SRPK1: variants seen among roughly 807,000 people sequenced by gnomAD.
SRPK1 encodes the protein SRSF protein kinase 1.
Under a neutral mutation model 89.5 loss-of-function variants are expected in SRPK1, and 52 were observed. That is an observed-to-expected ratio of 0.58 (90% CI 0.46 to 0.73). SRPK1 has a LOEUF of 0.73. Among genes scored for constraint, SRPK1 ranks in the 30% least tolerant of loss-of-function variants. SRPK1 has a pLI of 0.00. For missense variants in SRPK1, 603 were observed against 780.6 expected (o/e 0.77, Z 2.71); for synonymous variants, 255 against 270.2 (o/e 0.94, Z 0.55).
At chr6:35,847,932 A>T (rs1461307973) in intron 13 of SRPK1, among the ~76,000 whole-genome samples, 1 of 151,578 alleles carries the variant, frequency 6.6e-6, no homozygotes, top group Non-Finnish European at 1.5e-5. Context: ...GCCTCAGGTG[A>T]TTCTCCCACC....
intron 12 of SRPK1, among the ~76,000 whole-genome samples, chr6:35,868,266 G>A (rs998344099): frequency 1.4e-4 from 22 of 152,280 alleles, no homozygotes; most frequent in Admixed American, 5.2e-4. Flanking sequence ...TTACAGGCAT[G>A]AGCCACCGTG....
intron 2 of SRPK1, among the ~76,000 whole-genome samples, chr6:35,910,211 G>A (rs574005638): frequency 2.0e-5 from 3 of 152,112 alleles, no homozygotes; most frequent in Non-Finnish European, 2.9e-5. Flanking sequence ...TCGAACTCCC[G>A]ACCTCAGGTG....
intron 13 of SRPK1, among the ~76,000 whole-genome samples, chr6:35,853,221 T>C (rs932625937): frequency 6.6e-6 from 1 of 151,896 alleles, no homozygotes; most frequent in African/African-American, 2.4e-5. Context: ...TATTGAGTTA[T>C]GATCACACCA....
At chr6:35,846,333 G>A (rs1318169436) in intron 13 of SRPK1, among the ~76,000 whole-genome samples, 1 of 152,066 alleles carries the variant, frequency 6.6e-6, no homozygotes, top group African/African-American at 2.4e-5. Flanking sequence ...GCTCATGCCT[G>A]TAATCCCAGC....
chr6:35,872,546 C>A lies in SRPK1; in HGVS notation c.751+17G>T. On this transcript the variant is annotated intron_variant, in intron 8 of 15. Coordinates refer to ENST00000373825, the MANE Select transcript of SRPK1 (RefSeq NM_003137.5). ...TTTAACTTCTAATGATAGCGAAGTC[C>A]CTAAAAGAAAATACACCTGCAGATC... 6.3e-7 allele frequency: 1 copy of A among 1,577,088 alleles called. No individual in the cohort carries two copies. The highest frequency in any genetic ancestry group is 8.6e-7 in the Non-Finnish European group (1 of 1,165,966).
At chr6:35,909,206 C>T (rs149624338) in intron 2 of SRPK1, among the ~76,000 whole-genome samples, 1 of 152,356 alleles carries the variant, frequency 6.6e-6, no homozygotes, top group African/African-American at 2.4e-5. Flanking sequence ...GAAGGAGCTG[C>T]CCAAGGCTAT....
intron 2 of SRPK1, among the ~76,000 whole-genome samples, chr6:35,916,667 G>C (rs1771110203): frequency 6.6e-6 from 1 of 152,086 alleles, no homozygotes; most frequent in Admixed American, 6.5e-5. Context: ...TGCAAATAAA[G>C]TGAAAATTAC....
chr6:35,887,141 C>T (rs923021541), intron 5 of SRPK1, among the ~76,000 whole-genome samples: 1 of 152,130 alleles, frequency 6.6e-6, no homozygotes, highest in Admixed American at 6.5e-5. Context: ...ACAGCACTAA[C>T]CACACTGTTT....
intron 10 of SRPK1, 114 bp downstream of exon 10, chr6:35,870,167 T>C (rs1769999436): frequency 3.1e-6 from 3 of 971,790 alleles, no homozygotes; most frequent in Non-Finnish European, 4.5e-6. Flanking sequence ...TCCATATTCT[T>C]ATAAAGATAC....
intron 2 of SRPK1, among the ~76,000 whole-genome samples, chr6:35,900,007 A>G (rs960443831): frequency 1.3e-5 from 2 of 151,678 alleles, no homozygotes; most frequent in Non-Finnish European, 2.9e-5. Flanking sequence ...TCGCAAAAAA[A>G]AAATAATAAT....
Position 35,872,553 on chromosome 6 carries a change from GA to G in SRPK1, c.751+9del. On this transcript the variant is annotated intron_variant, in intron 8 of 15. Transcript: ENST00000373825. ...TCTAATGATAGCGAAGTCCCTAAAA[GA>G]AAATACACCTGCAGATCCGGAAGGC... 1 of 1,584,896 alleles carries G rather than the reference GA, an allele frequency of 6.3e-7. No homozygotes were observed. Among genetic ancestry groups the G allele is most frequent in the Non-Finnish European group, 8.5e-7 (1 of 1,169,836 alleles).
rs184135092 is a variant in SRPK1 at position 35,877,565 on chromosome 6, G to A, written c.479-3226C>T. Among the ~76,000 whole-genome samples the A allele has an allele frequency of 4.5e-4, 68 of 152,220 alleles. 1 individual carries two copies. The East Asian group carries it at 0.012, about 26-fold the overall frequency. On this transcript the variant is annotated intron_variant, in intron 6 of 15. Coordinates refer to ENST00000373825, the MANE Select transcript of SRPK1 (RefSeq NM_003137.5). ...TTTTTTAGAAGACTGAAAATGGGCCGGGTGCAGTGGCTCATGGCTGTAATC... is the reference window on the plus strand; with the variant it reads ...TTTTTTAGAAGACTGAAAATGGGCCAGGTGCAGTGGCTCATGGCTGTAATC...
At position 35,915,991 on chromosome 6, in the gene SRPK1, A is replaced by T. The variant is rs865990806; in HGVS notation, c.74+4477T>A. ...TGTCTCAAAAACAAAAAAAAAAAAA[A>T]ATATATACACACACACACACACACA... On this transcript the variant is annotated intron_variant, in intron 2 of 15. Transcript: ENST00000373825. 8.6e-4 allele frequency among the ~76,000 whole-genome samples: 74 copies of T among 86,278 alleles called. 4 individuals carry two copies. Among genetic ancestry groups the T allele is most frequent in the South Asian group, 2.6e-3 (7 of 2,668 alleles). 56.6% of individuals were successfully genotyped at this position (86,278 alleles called of 152,430 possible). A position where few individuals can be genotyped will look rare whatever the true frequency, so the allele number is the denominator to read the frequency against.
intron 12 of SRPK1, among the ~76,000 whole-genome samples, chr6:35,860,565 C>T (rs1424347876): frequency 2.0e-5 from 3 of 152,128 alleles, no homozygotes; most frequent in Admixed American, 6.5e-5. Context: ...AGAGTCAATA[C>T]GTTTCTCCAC....
intron 14 of SRPK1, among the ~76,000 whole-genome samples, chr6:35,841,739 G>T (rs1386486916): frequency 6.6e-6 from 1 of 150,894 alleles, no homozygotes; most frequent in Non-Finnish European, 1.5e-5. Context: ...GGCCGAGGCA[G>T]GAGAATCGCT....
At position 35,833,098 on chromosome 6, in the gene SRPK1, G is replaced by A. The variant is rs184395335; in HGVS notation, c.*2206C>T. 151 of 152,702 alleles carry A rather than the reference G, an allele frequency of 9.9e-4. 1 individual carries two copies. The highest frequency in any genetic ancestry group is 3.4e-3 in the African/African-American group (142 of 41,556). The allele number at this position is 152,702 out of a possible 1,614,324, so 9.5% of individuals were successfully genotyped here. A position where few individuals can be genotyped will look rare whatever the true frequency, so the allele number is the denominator to read the frequency against. On this transcript the variant is annotated 3_prime_UTR_variant, in exon 16 of 16. Coordinates refer to ENST00000373825, the MANE Select transcript of SRPK1 (RefSeq NM_003137.5). Reference sequence around the variant, plus strand: ...AAGAAAACAGACAATGCCCTCAGTAGAAAGAATAAAAATGTATTTAGGGCT... The same window carrying A: ...AAGAAAACAGACAATGCCCTCAGTAAAAAGAATAAAAATGTATTTAGGGCT...
chr6:35,877,873 T>G (rs1330546320), intron 6 of SRPK1, among the ~76,000 whole-genome samples: 1 of 151,604 alleles, frequency 6.6e-6, no homozygotes, highest in Non-Finnish European at 1.5e-5. Flanking sequence ...AAAATGAACT[T>G]CCAGAGACAA....
intron 6 of SRPK1, among the ~76,000 whole-genome samples, chr6:35,877,891 A>G (rs1770189993): frequency 6.6e-6 from 1 of 152,188 alleles, no homozygotes; most frequent in Admixed American, 6.5e-5. Context: ...CAAAAAGTGC[A>G]ATGTGAGAGA....
At chr6:35,916,042 ACG>A (rs1242726767) in intron 2 of SRPK1, among the ~76,000 whole-genome samples, 76 of 112,078 alleles carry the variant, frequency 6.8e-4, no homozygotes, top group Non-Finnish European at 4.4e-4. Flanking sequence ...ACACACACAC[ACG>A]TTTATTAATA....
Sources: allele counts gnomAD v4.1 joint callset (sites outside exome capture counted in the v4.1 genomes callset), GRCh38; gene constraint gnomAD v4.1.1; transcripts MANE v1.5; gene names NCBI Gene and HGNC (gene_info 2026-07-23, HGNC 2026-07-21).